BOD1L1: variants seen among roughly 807,000 people sequenced by gnomAD.
The protein encoded by BOD1L1 is biorientation of chromosomes in cell division protein 1-like 1.
Under a neutral mutation model 240.7 loss-of-function variants are expected in BOD1L1, and 86 were observed. That is an observed-to-expected ratio of 0.36 (90% CI 0.30 to 0.43). The LOEUF is 0.43. BOD1L1 is among the 20% of genes least tolerant of loss of function. The pLI, the probability that BOD1L1 is intolerant of heterozygous loss-of-function variation, is 1.00. For missense variants in BOD1L1, 3,554 were observed against 3,643.5 expected (o/e 0.98, Z 0.63); for synonymous variants, 1,268 against 1,272.3 (o/e 1.00, Z 0.07).
rs772064163 is a variant in BOD1L1, at chr4:13,600,190, TCAA to T, written c.6707_6709del (p.Val2236del). Reference sequence around the variant, plus strand: ...TGTGCCAGCTCGCTCATTTTCACTTTCAACAACTACACCGGAAACAGAAGCCTC... The same window carrying T: ...TGTGCCAGCTCGCTCATTTTCACTTTCAACTACACCGGAAACAGAAGCCTC... On this transcript the variant is annotated inframe_deletion, in exon 10 of 26. Coordinates refer to ENST00000040738, the MANE Select transcript of BOD1L1 (RefSeq NM_148894.3). The T allele has an allele frequency of 1.9e-6, 3 of 1,613,868 alleles. No individual in the cohort carries two copies. In the South Asian group the frequency reaches 3.3e-5, roughly 18 times the overall value.
chr4:13,615,312 C>T lies in BOD1L1; in HGVS notation c.559G>A (p.Gly187Ser), dbSNP rs1452923040. 1 of 1,605,440 alleles carries T rather than the reference C, an allele frequency of 6.2e-7. No homozygotes were observed. Among genetic ancestry groups the T allele is most frequent in the Non-Finnish European group, 8.5e-7 (1 of 1,175,302 alleles). The change falls in exon 3 of 26, where the codon GGT (glycine) becomes AGT (serine). Residue 187 changes from glycine (G) to serine (S), a missense_variant and splice_region_variant. This residue lies in a region of BOD1L1 where 3,393 missense variants were observed against 3,427.1 expected (regional missense o/e 0.99). Transcript: ENST00000040738. ...CTGACCAAGAGTAAAAGCAAAGCAC[C>T]TTGTGTAATAAGGGAAGTGTCTGGT... Reference protein sequence around the residue: ...EKPDTSLITQGVPTPGPSANV... With the variant: ...EKPDTSLITQSVPTPGPSANV...
intron 5 of BOD1L1, among the ~76,000 whole-genome samples, chr4:13,612,576 AG>A (rs994527025): frequency 1.2e-4 from 19 of 152,320 alleles, no homozygotes; most frequent in African/African-American, 4.6e-4. Flanking sequence ...CCTGGAAGAC[AG>A]GAAGTGCTCA....
In BOD1L1 at chr4:13,613,665, C is replaced by T; in HGVS notation, c.1175-4G>A. The T allele has an allele frequency of 6.6e-7, 1 of 1,517,162 alleles. No homozygotes were observed. 94.0% of individuals were successfully genotyped at this position (1,517,162 alleles called of 1,614,324 possible). A position where few individuals can be genotyped will look rare whatever the true frequency, so the allele number is the denominator to read the frequency against. ...TCAGAATCTATCAAAGAGAAATCTTCAAGCGGAAAATAAAACACAGAAAAA... is the reference window on the plus strand; with the variant it reads ...TCAGAATCTATCAAAGAGAAATCTTTAAGCGGAAAATAAAACACAGAAAAA... On this transcript the variant is annotated splice_region_variant and splice_polypyrimidine_tract_variant and intron_variant, in intron 4 of 25. Coordinates refer to ENST00000040738, the MANE Select transcript of BOD1L1 (RefSeq NM_148894.3). The surrounding 1 kb of genome is among the most constrained non-coding windows in gnomAD (Gnocchi z 4.0).
chr4:13,577,450 C>T lies in BOD1L1; in HGVS notation c.8837G>A (p.Arg2946Gln), dbSNP rs145381378. 6.2e-6 allele frequency: 10 copies of T among 1,613,666 alleles called. No individual in the cohort carries two copies. The highest frequency in any genetic ancestry group is 2.2e-5 in the East Asian group (1 of 44,840). ...AGAACGTTTGGGTTTTCTTCCTCTC[C>T]GACGCACACTTGTTACTATTTTTTC... ...GEEKIVTSVR[R>Q]RGRKPKRSLT... is the part of the protein sequence containing the mutation. Residue 2946 changes from arginine (R) to glutamine (Q), a missense_variant, in exon 24 of 26, where the codon CGG becomes CAG. Arg to Gln is a conservative substitution (Grantham distance 43). Coordinates refer to ENST00000040738, the MANE Select transcript of BOD1L1 (RefSeq NM_148894.3).
chr4:13,597,225 G>A (rs1714700481), intron 10 of BOD1L1, 57 bp from the exon 11 acceptor site: 1 of 1,367,828 alleles, frequency 7.3e-7, no homozygotes, highest in Non-Finnish European at 1.0e-6. Context: ...AAATACATCT[G>A]GGGTCAAAAA....
In BOD1L1 at chr4:13,582,284, C is replaced by G; in HGVS notation, c.8545G>C (p.Gly2849Arg). The G allele has an allele frequency of 1.2e-6, 2 of 1,613,524 alleles. No homozygotes were observed. Among genetic ancestry groups the G allele is most frequent in the Non-Finnish European group, 1.7e-6 (2 of 1,179,694 alleles). The change falls in exon 19 of 26, where the codon GGT becomes CGT. Residue 2849 changes from glycine (G) to arginine (R), a missense_variant. Physicochemically the swap from Gly to Arg is moderately radical, Grantham distance 125. Coordinates refer to ENST00000040738, the MANE Select transcript of BOD1L1 (RefSeq NM_148894.3). Reference protein sequence around the residue: ...KDEYSSSETTGEKPEQNDDDT... With the variant: ...KDEYSSSETTREKPEQNDDDT... ...TCATCGTTCTGCTCTGGCTTTTCAC[C>G]AGTAGTTTCACTGCTGCTATATTCA...
Position 13,607,204 on chromosome 4 carries a change from G to A in BOD1L1, c.1743-15C>T, listed in dbSNP as rs529049209. 6.6e-7 allele frequency: 1 copy of A among 1,517,856 alleles called. No individual in the cohort carries two copies. Among genetic ancestry groups the A allele is most frequent in the Non-Finnish European group, 8.8e-7 (1 of 1,129,966 alleles). The allele number at this position is 1,517,856 out of a possible 1,614,324, so 94.0% of individuals were successfully genotyped here. A position where few individuals can be genotyped will look rare whatever the true frequency, so the allele number is the denominator to read the frequency against. On this transcript the variant is annotated splice_polypyrimidine_tract_variant and intron_variant, in intron 8 of 25. Transcript: ENST00000040738. Reference sequence around the variant, plus strand: ...CTTCAACATTCCTAAGGGGGAAAGAGTCAAATATAAAGCATGAATCAAATA... The same window carrying A: ...CTTCAACATTCCTAAGGGGGAAAGAATCAAATATAAAGCATGAATCAAATA...
chr4:13,601,445 T>C lies in BOD1L1; in HGVS notation c.5455A>G (p.Ser1819Gly), dbSNP rs1407453648. 6.2e-7 allele frequency: 1 copy of C among 1,614,082 alleles called. No individual in the cohort carries two copies. Among genetic ancestry groups the C allele is most frequent in the Non-Finnish European group, 8.5e-7 (1 of 1,179,906 alleles). Reference protein sequence around the residue: ...SEDSSEGFAISSESEENGESA... With the variant: ...SEDSSEGFAIGSESEENGESA... ...TCTCCATTTTCTTCCGATTCAGAACTTATAGCAAAGCCTTCGCTGCTATCT... is the reference window on the plus strand; with the variant it reads ...TCTCCATTTTCTTCCGATTCAGAACCTATAGCAAAGCCTTCGCTGCTATCT... Residue 1819 changes from serine to glycine, a missense_variant, in exon 10 of 26, where the codon AGT (serine) becomes GGT (glycine). Coordinates refer to ENST00000040738, the MANE Select transcript of BOD1L1 (RefSeq NM_148894.3).
Position 13,601,626 on chromosome 4 carries a change from T to A in BOD1L1, c.5274A>T (p.Ala1758=), listed in dbSNP as rs778539852. Residue 1758 remains alanine, a synonymous_variant, in exon 10 of 26, where the codon GCA becomes GCT. Coordinates refer to ENST00000040738, the MANE Select transcript of BOD1L1 (RefSeq NM_148894.3). Reference sequence around the variant, plus strand: ...CATCATTATCTCCCAGGACAACACCTGCACCTGTAACCATGCGTTCCTCCC... The same window carrying A: ...CATCATTATCTCCCAGGACAACACCAGCACCTGTAACCATGCGTTCCTCCC... ...GPREERMVTG[A]GVVLGDNDAP... is the part of the protein sequence containing the mutation. The A allele has an allele frequency of 6.8e-6, 11 of 1,613,884 alleles. No individual in the cohort carries two copies. The African/African-American group carries it at 1.5e-4, about 22-fold the overall frequency.
At chr4:13,572,840 T>C (rs919836985) in intron 25 of BOD1L1, 13 of 1,289,622 alleles carry the variant, frequency 1.0e-5, no homozygotes, top group Non-Finnish European at 1.0e-5. Flanking sequence ...GCTATGTTGC[T>C]TTCTGAAACA....
Position 13,614,751 on chromosome 4 carries a change from T to C in BOD1L1, c.619A>G (p.Thr207Ala). The change falls in exon 4 of 26, where the codon ACC (threonine) becomes GCC (alanine). Residue 207 changes from threonine to alanine, a missense_variant. Thr to Ala is a moderately conservative substitution (Grantham distance 58). Around this residue, in one of 2 missense-constraint regions of BOD1L1, gnomAD observed 3,393 missense variants for 3,427.1 expected, o/e 0.99. Transcript: ENST00000040738. ...VANDAMSILE[T>A]ITSLNQEASA... ...GCTTCTTGGTTAAGAGAAGTTATGG[T>C]TTCCAATATCGACATGGCATCATTG... 2 of 1,613,844 alleles carry C rather than the reference T, an allele frequency of 1.2e-6. No homozygotes were observed. The highest frequency in any genetic ancestry group is 1.3e-5 in the African/African-American group (1 of 75,042).
intron 12 of BOD1L1, among the ~76,000 whole-genome samples, chr4:13,594,492 CA>C (rs1714455700): frequency 6.6e-6 from 1 of 152,208 alleles, no homozygotes; most frequent in East Asian, 1.9e-4. Flanking sequence ...AAGGAATCCA[CA>C]AGGGCCAAAC....
chr4:13,581,244 A>T, intron 19 of BOD1L1, 37 bp from the exon 20 acceptor site: 2 of 1,408,548 alleles, frequency 1.4e-6, no homozygotes, highest in Non-Finnish European at 1.9e-6. Context: ...AGCAATAAGA[A>T]AAAAAATTTT....
intron 15 of BOD1L1, among the ~76,000 whole-genome samples, 168 bp downstream of exon 15, chr4:13,588,554 C>T (rs1713912647): frequency 6.6e-6 from 1 of 152,106 alleles, no homozygotes; most frequent in African/African-American, 2.4e-5. Flanking sequence ...GCCAAATTGC[C>T]TAAACATTGA....
At chr4:13,572,742 G>A in intron 25 of BOD1L1, 1 of 1,289,808 alleles carries the variant, frequency 7.8e-7, no homozygotes, top group Non-Finnish European at 1.0e-6. Flanking sequence ...TCGCTGGTAG[G>A]TAACTTCTCT....
intron 24 of BOD1L1, 138 bp downstream of exon 24, chr4:13,577,265 G>A: frequency 7.5e-6 from 6 of 797,552 alleles, no homozygotes; most frequent in Non-Finnish European, 1.2e-5. Flanking sequence ...TCTGACACGG[G>A]ATTAGACCTA....
intron 25 of BOD1L1, 41 bp downstream of exon 25, chr4:13,576,797 G>A (rs1367716201): frequency 8.9e-6 from 14 of 1,571,050 alleles, no homozygotes; most frequent in Admixed American, 2.1e-5. Context: ...AGATGGAGAA[G>A]CTGGTGAAGG....
chr4:13,606,961 G>T (rs1211773193), intron 9 of BOD1L1, among the ~76,000 whole-genome samples, 156 bp downstream of exon 9: 1 of 151,946 alleles, frequency 6.6e-6, no homozygotes, highest in Non-Finnish European at 1.5e-5. Context: ...GGGCAATTTG[G>T]GACATAACAA....
intron 16 of BOD1L1, 50 bp downstream of exon 16, chr4:13,587,649 A>C (rs1486579247): frequency 1.5e-6 from 2 of 1,375,026 alleles, no homozygotes; most frequent in Non-Finnish European, 2.0e-6. Context: ...TTTGGATATA[A>C]AAATAATGAT....
Sources: gnomAD v4.1 joint callset for allele counts (sites outside exome capture counted in the v4.1 genomes callset) on GRCh38, gnomAD v4.1.1 for gene constraint, gnomAD v4.1.1 regional missense constraint, Gnocchi (gnomAD v3.1) non-coding constraint, MANE v1.5 for transcripts, NCBI Gene and HGNC (gene_info 2026-07-23, HGNC 2026-07-21) for gene names.